PREX2: variants seen among roughly 807,000 people sequenced by gnomAD.
PREX2 encodes the protein phosphatidylinositol-3,4,5-trisphosphate dependent Rac exchange factor 2, also known as phosphatidylinositol 3,4,5-trisphosphate-dependent Rac exchanger 2 protein.
In PREX2, 107 loss-of-function variants were observed where a neutral mutation model predicts 203.2. The observed-to-expected ratio is 0.53, with a 90% CI of 0.45 to 0.62. PREX2 has a LOEUF of 0.62. Ranked by LOEUF, PREX2 falls within the 20% of genes least tolerant of loss-of-function variation. The probability of loss-of-function intolerance (pLI) is 0.00; values close to 1 mark genes in which losing one functional copy is unlikely to be tolerated. For synonymous variants in PREX2, 672 were observed against 663.6 expected (o/e 1.01, Z -0.19); for missense variants, 1,777 against 1,955.9 (o/e 0.91, Z 1.72).
At chr8:68,069,349 G>C (rs555980593) in intron 12 of PREX2, among the ~76,000 whole-genome samples, 1 of 151,446 alleles carries the variant, frequency 6.6e-6, no homozygotes, top group South Asian at 2.1e-4. Context: ...AATGGTAGTA[G>C]TACTGCTGCA....
chr8:68,065,219 C>G (rs1430791811), intron 11 of PREX2, among the ~76,000 whole-genome samples: 6 of 152,188 alleles, frequency 3.9e-5, no homozygotes, highest in Admixed American at 3.9e-4. Context: ...TAGACTACCA[C>G]TTGTTTCATT....
intron 6 of PREX2, 67 bp from the exon 7 acceptor site, chr8:68,038,092 G>A (rs1458479616): frequency 6.2e-5 from 94 of 1,518,200 alleles, no homozygotes; most frequent in Middle Eastern, 1.8e-4. Flanking sequence ...ATTGTAAGTC[G>A]AAAAATAATT....
chr8:68,228,213 G>A (rs1482675555), intron 39 of PREX2, among the ~76,000 whole-genome samples: 2 of 152,104 alleles, frequency 1.3e-5, no homozygotes, highest in South Asian at 2.1e-4. Flanking sequence ...CAGCACACTG[G>A]CTTTATTCAC....
At chr8:68,001,437 A>G (rs904914675) in intron 1 of PREX2, among the ~76,000 whole-genome samples, 2 of 152,226 alleles carry the variant, frequency 1.3e-5, no homozygotes, top group Admixed American at 6.5e-5. Flanking sequence ...TAAAATGTCA[A>G]AAAATAACAG....
rs768375303 is a variant in PREX2 at position 68,093,682 on chromosome 8, TG to T, written c.2330del (p.Gly777GlufsTer12). ...TTCAAAAATCTCACTCCAAGCCCCC[TG>T]GAGATGAAGCAGGGGATGCTTTTGA... is the stretch of plus-strand genomic sequence containing the variant. ...DLQKSHSKPP[G>X]DEAGDAFDCK... On this transcript the variant is annotated frameshift_variant, in exon 21 of 40. Coordinates refer to ENST00000288368, the MANE Select transcript of PREX2 (RefSeq NM_024870.4). LOFTEE classifies it high-confidence loss of function. The T allele has an allele frequency of 1.2e-6, 2 of 1,609,268 alleles. No homozygotes were observed. The highest frequency in any genetic ancestry group is 2.7e-5 in the African/African-American group (2 of 74,808).
intron 9 of PREX2, among the ~76,000 whole-genome samples, chr8:68,053,911 T>A (rs1216396503): frequency 1.3e-5 from 2 of 152,204 alleles, no homozygotes; most frequent in African/African-American, 4.8e-5. Flanking sequence ...TTGTGTGAAG[T>A]TTATCTGCAA....
chr8:68,138,322 C>A (rs2129613500), intron 32 of PREX2, 93 bp from the exon 33 acceptor site: 1 of 575,382 alleles, frequency 1.7e-6, no homozygotes, highest in Non-Finnish European at 2.9e-6. Context: ...TAAAACACAG[C>A]AAAGTTGTTT....
At chr8:68,061,553 C>G (rs1272159023) in intron 11 of PREX2, among the ~76,000 whole-genome samples, 1 of 152,114 alleles carries the variant, frequency 6.6e-6, no homozygotes, top group Non-Finnish European at 1.5e-5. Context: ...CATGAAAAAA[C>G]CCATGGGGAG....
intron 35 of PREX2, among the ~76,000 whole-genome samples, chr8:68,185,111 T>C (rs1812163653): frequency 1.3e-5 from 2 of 152,142 alleles, no homozygotes; most frequent in South Asian, 2.1e-4. Flanking sequence ...GATTCTTTCC[T>C]TTTTAGGGTC....
chr8:67,993,809 T>A (rs1806681126), intron 1 of PREX2, among the ~76,000 whole-genome samples: 1 of 152,198 alleles, frequency 6.6e-6, no homozygotes. Context: ...TGTCAAGCAT[T>A]CTATCCAATA....
chr8:68,120,122 A>G lies in PREX2; in HGVS notation c.3505-74A>G, dbSNP rs1810739420. On this transcript the variant is annotated intron_variant, in intron 28 of 39. Coordinates refer to ENST00000288368, the MANE Select transcript of PREX2 (RefSeq NM_024870.4). ...TTGTTGCTTTAAGAAAAAATATTTT[A>G]TAAGATTTACTTTTAGAAATACGTA... The G allele has an allele frequency of 9.2e-6, 9 of 975,642 alleles. No individual in the cohort carries two copies. The East Asian group carries it at 1.8e-4, about 19-fold the overall frequency. The allele number at this position is 975,642 out of a possible 1,614,324, so 60.4% of individuals were successfully genotyped here.
intron 33 of PREX2, among the ~76,000 whole-genome samples, chr8:68,139,527 G>A (rs563820751): frequency 1.3e-5 from 2 of 152,248 alleles, no homozygotes; most frequent in Non-Finnish European, 2.9e-5. Flanking sequence ...TTGAACTGAT[G>A]AATTACGGGA....
intron 10 of PREX2, among the ~76,000 whole-genome samples, chr8:68,058,732 G>A (rs7015991): frequency 0.11 from 16,928 of 152,106 alleles, 2,968 homozygotes; most frequent in African/African-American, 0.37. Context: ...ACTTTGCCCG[G>A]CCCGACATTC....
At position 67,952,649 on chromosome 8, in the gene PREX2, G is replaced by A. The variant is rs578141344; in HGVS notation, c.141+114G>A. 9.2e-6 allele frequency: 13 copies of A among 1,411,914 alleles called. No homozygotes were observed. In the Middle Eastern group the frequency reaches 2.0e-3, roughly 213 times the overall value. 87.5% of individuals were successfully genotyped at this position (1,411,914 alleles called of 1,614,324 possible). A position where few individuals can be genotyped will look rare whatever the true frequency, so the allele number is the denominator to read the frequency against. ...CTGTGCGGGGACCCGGGACGGGTCG[G>A]GGCATCACAGGCGCGGGAATCCACG... On this transcript the variant is annotated intron_variant, in intron 1 of 39. Transcript: ENST00000288368.
intron 1 of PREX2, among the ~76,000 whole-genome samples, chr8:67,980,938 C>G (rs1015174796): frequency 1.3e-5 from 2 of 152,174 alleles, no homozygotes; most frequent in Non-Finnish European, 2.9e-5. Context: ...TGAGAATGGA[C>G]TAATACAACT....
chr8:68,192,638 G>T, intron 37 of PREX2, 113 bp downstream of exon 37: 2 of 759,638 alleles, frequency 2.6e-6, no homozygotes, highest in Non-Finnish European at 4.0e-6. Flanking sequence ...AAAGACTCAG[G>T]TGTATTTGGA....
chr8:68,053,134 A>T lies in PREX2; in HGVS notation c.981A>T (p.Gly327=), dbSNP rs778458555. ...GCAGTGGACACATTGTTGTTAATGG[A>T]TGGAAGATACATAACACAGCAAAAA... is the stretch of plus-strand genomic sequence containing the variant. ...FHSSGHIVVN[G]WKIHNTAKNK... is the part of the protein sequence containing the mutation. The change falls in exon 9 of 40, where the codon GGA becomes GGT. Residue 327 remains glycine (G), a synonymous_variant. Coordinates refer to ENST00000288368, the MANE Select transcript of PREX2 (RefSeq NM_024870.4). The T allele has an allele frequency of 1.2e-6, 2 of 1,613,506 alleles. No homozygotes were observed. Among genetic ancestry groups the T allele is most frequent in the Non-Finnish European group, 1.7e-6 (2 of 1,179,618 alleles).
At chr8:68,039,658 A>G (rs1022075380) in intron 7 of PREX2, among the ~76,000 whole-genome samples, 4 of 152,124 alleles carry the variant, frequency 2.6e-5, no homozygotes, top group Non-Finnish European at 5.9e-5. Context: ...TCCCCTTCCT[A>G]AAGTCACTCC....
At chr8:68,129,518 C>G (rs1447514830) in intron 31 of PREX2, among the ~76,000 whole-genome samples, 2 of 152,010 alleles carry the variant, frequency 1.3e-5, no homozygotes, top group East Asian at 3.9e-4. Context: ...ATATTCTTAA[C>G]CTCCTTTTAT....
Sources: allele counts gnomAD v4.1 joint callset (sites outside exome capture counted in the v4.1 genomes callset), GRCh38; gene constraint gnomAD v4.1.1; transcripts MANE v1.5; gene names NCBI Gene and HGNC (gene_info 2026-07-23, HGNC 2026-07-21).